Variants in SUPT7L observed in about 807,000 individuals in gnomAD.
SUPT7L encodes the protein STAGA complex 65 subunit gamma.
SUPT7L carries 15 observed loss-of-function variants against 35.7 expected under a neutral mutation model. That is an observed-to-expected ratio of 0.42 (90% CI 0.28 to 0.65). The LOEUF (loss-of-function observed/expected upper bound fraction) is 0.65. SUPT7L is among the 30% of genes least tolerant of loss of function. The probability of loss-of-function intolerance (pLI) is 0.23; values close to 1 mark genes in which losing one functional copy is unlikely to be tolerated. For missense variants in SUPT7L, 434 were observed against 522.2 expected, an observed-to-expected ratio of 0.83 and a Z score of 1.65; for synonymous variants, 168 against 186.2, an observed-to-expected ratio of 0.90 and a Z score of 0.79.
intron 2 of SUPT7L, 28 bp from the exon 3 acceptor site, chr2:27,661,416 A>G: frequency 6.2e-7 from 1 of 1,612,412 alleles, no homozygotes; most frequent in Non-Finnish European, 8.5e-7. Flanking sequence ...AGAAGAGAAG[A>G]GGTCTCAGGA....
chr2:27,649,259 AC>A (rs1674393589), downstream of SUPT7L, among the ~76,000 whole-genome samples: 1 of 147,490 alleles, frequency 6.8e-6, no homozygotes, highest in African/African-American at 2.5e-5. Flanking sequence ...AAACAAACAA[AC>A]AAACAAACAA....
At chr2:27,654,798 C>T (rs1261159599) in intron 5 of SUPT7L, among the ~76,000 whole-genome samples, 1 of 152,140 alleles carries the variant, frequency 6.6e-6, no homozygotes, top group Non-Finnish European at 1.5e-5. Context: ...GATCTCCTGA[C>T]CTCGTGATTC....
chr2:27,653,681 T>C lies in SUPT7L; in HGVS notation c.1049A>G (p.Glu350Gly). 6.2e-7 allele frequency: 1 copy of C among 1,614,192 alleles called. No homozygotes were observed. Among genetic ancestry groups the C allele is most frequent in the Non-Finnish European group, 8.5e-7 (1 of 1,180,032 alleles). The change falls in exon 6 of 6, where the codon GAA becomes GGA. Residue 350 changes from glutamate to glycine, a missense_variant. Coordinates refer to ENST00000337768, the MANE Select transcript of SUPT7L (RefSeq NM_014860.3). ...AHVKMEPQES[E>G]EGNVSGHGVL... The stretch of plus-strand genomic sequence containing the variant: ...ACCATGCCCAGAGACATTGCCTTCT[T>C]CACTTTCTTGAGGCTCCATTTTCAC...
chr2:27,653,636 A>G lies in SUPT7L; in HGVS notation c.1094T>C (p.Phe365Ser). ...SGHGVLGSDV[F>S]EEPMSGMSEA... ...ACTCATGCCTGACATAGGCTCCTCG[A>G]AGACATCACTGCCCAGCACACCATG... The change falls in exon 6 of 6, where the codon TTC becomes TCC. Residue 365 changes from phenylalanine to serine, a missense_variant. Around this residue, in one of 3 missense-constraint regions of SUPT7L, gnomAD observed 159 missense variants for 217.1 expected, o/e 0.73. Transcript: ENST00000337768. 1 of 1,614,192 alleles carries G rather than the reference A, an allele frequency of 6.2e-7. No individual in the cohort carries two copies. Among genetic ancestry groups the G allele is most frequent in the Non-Finnish European group, 8.5e-7 (1 of 1,180,036 alleles).
At chr2:27,662,527 G>C (rs756013874) in intron 1 of SUPT7L, among the ~76,000 whole-genome samples, 2 of 152,164 alleles carry the variant, frequency 1.3e-5, no homozygotes, top group Non-Finnish European at 2.9e-5. Context: ...ATCCCTGGCA[G>C]ACTCATATTC....
At chr2:27,650,587 C>T (rs1674481904), downstream of SUPT7L, 1 of 155,288 alleles carries the variant, frequency 6.4e-6, no homozygotes, top group Admixed American at 6.4e-5. Context: ...GATGTATAGC[C>T]TCTACTCCCC....
At chr2:27,650,131 T>G, downstream of SUPT7L, 1 of 1,601,394 alleles carries the variant, frequency 6.2e-7, no homozygotes, top group Non-Finnish European at 8.6e-7. Context: ...AGGAAAGCCA[T>G]GAAGAGCCAG....
chr2:27,650,046 T>A (rs990089229), downstream of SUPT7L: 1 of 848,252 alleles, frequency 1.2e-6, no homozygotes, highest in Non-Finnish European at 2.0e-6. Flanking sequence ...TTCTGATGGA[T>A]GGGTGACGGG....
At position 27,653,441 on chromosome 2, in the gene SUPT7L, G is replaced by T; in HGVS notation, c.*44C>A. 6.3e-7 allele frequency: 1 copy of T among 1,575,528 alleles called. No individual in the cohort carries two copies. The highest frequency in any genetic ancestry group is 8.6e-7 in the Non-Finnish European group (1 of 1,162,120). ...AGATTCTAATACAAAAACCTTTTCT[G>T]TTGGGTCTAGTAGGTCTGGACAAAA... On this transcript the variant is annotated 3_prime_UTR_variant, in exon 6 of 6. Coordinates refer to ENST00000337768, the MANE Select transcript of SUPT7L (RefSeq NM_014860.3).
At position 27,657,412 on chromosome 2, in the gene SUPT7L, C is replaced by T. The variant is rs773859319; in HGVS notation, c.677G>A (p.Gly226Asp). 6.2e-7 allele frequency: 1 copy of T among 1,614,286 alleles called. No homozygotes were observed. Among genetic ancestry groups the T allele is most frequent in the South Asian group, 1.1e-5 (1 of 91,086 alleles). Residue 226 changes from glycine (G) to aspartate (D), a missense_variant, in exon 4 of 6, where the codon GGC becomes GAC. Physicochemically the swap from Gly to Asp is moderately conservative, Grantham distance 94 (BLOSUM62 -1). Transcript: ENST00000337768. The surrounding 1 kb of genome is among the most constrained non-coding windows in gnomAD (Gnocchi z 5.2). ...MEQVFHEVGI[G>D]SVLSLQKFWQ... ...GAACTTCTGGAGGGAGAGCACACTG[C>T]CAATACCCACTTCATGGAATACCTG...
rs1675147909 is a variant in SUPT7L at position 27,662,251 on chromosome 2, G to A, written c.-59C>T. ...TATCAAATGCCAGGCATTCTGTGTCGGTCAAAGACTGATAATGTGAGATCC... is the reference window on the plus strand; with the variant it reads ...TATCAAATGCCAGGCATTCTGTGTCAGTCAAAGACTGATAATGTGAGATCC... On this transcript the variant is annotated 5_prime_UTR_variant, in exon 2 of 6. Transcript: ENST00000337768. 16 of 1,565,920 alleles carry A rather than the reference G, an allele frequency of 1.0e-5. No homozygotes were observed. Among genetic ancestry groups the A allele is most frequent in the South Asian group, 7.8e-5 (7 of 89,990 alleles).
chr2:27,662,349 G>T, intron 1 of SUPT7L, 68 bp from the exon 2 acceptor site: 3 of 788,376 alleles, frequency 3.8e-6, no homozygotes, highest in Non-Finnish European at 6.2e-6. Context: ...TGTTCTAGAG[G>T]TATATGGACC....
downstream of SUPT7L, among the ~76,000 whole-genome samples, chr2:27,649,933 T>A (rs539575208): frequency 6.6e-6 from 1 of 152,350 alleles, no homozygotes; most frequent in South Asian, 2.1e-4. Flanking sequence ...TTTCTACTTA[T>A]AAAGAAACTA....
rs3792250 is a variant in SUPT7L at position 27,658,963 on chromosome 2, C to G, written c.420-1294G>C. Among the ~76,000 whole-genome samples the G allele has an allele frequency of 8.3e-4, 126 of 152,134 alleles. No homozygotes were observed. The East Asian group carries it at 0.018, about 21-fold the overall frequency. ...TTCCTAAATATGTATAAAATAAAACCAGGTACAAACTTTTGATGGTCATGG... is the reference window on the plus strand; with the variant it reads ...TTCCTAAATATGTATAAAATAAAACGAGGTACAAACTTTTGATGGTCATGG... On this transcript the variant is annotated intron_variant, in intron 3 of 5. Transcript: ENST00000337768.
downstream of SUPT7L, chr2:27,650,301 T>C (rs1406277971): frequency 1.6e-6 from 1 of 639,450 alleles, no homozygotes; most frequent in East Asian, 2.8e-5. Context: ...CCATAAGGGA[T>C]AATTTTCCTC....
Position 27,657,504 on chromosome 2 carries a change from C to T in SUPT7L, c.585G>A (p.Lys195=). Residue 195 remains lysine, a synonymous_variant, in exon 4 of 6, where the codon AAG becomes AAA. Transcript: ENST00000337768. This position sits in a 1 kb window ranked among gnomAD's most constrained non-coding sequence, Gnocchi z 5.2. ...CCCGGTCCACAGCAAAACGCAGCAA[C>T]TTGGTAAACTTAAGGCAATACTCAT... ...VAHEYCLKFT[K]LLRFAVDREA... is the part of the protein sequence containing the mutation. The T allele has an allele frequency of 6.2e-7, 1 of 1,614,252 alleles. No individual in the cohort carries two copies. Among genetic ancestry groups the T allele is most frequent in the Non-Finnish European group, 8.5e-7 (1 of 1,180,042 alleles).
In SUPT7L at chr2:27,653,640, C is replaced by T; in HGVS notation, c.1090G>A (p.Val364Ile). ...ATGCCTGACATAGGCTCCTCGAAGA[C>T]ATCACTGCCCAGCACACCATGCCCA... is the stretch of plus-strand genomic sequence containing the variant. ...VSGHGVLGSD[V>I]FEEPMSGMSE... The change falls in exon 6 of 6, where the codon GTC becomes ATC. Residue 364 changes from valine (V) to isoleucine (I), a missense_variant. By Grantham distance (29) the Val-to-Ile change is conservative (BLOSUM62 3). Transcript: ENST00000337768. 2 of 1,614,236 alleles carry T rather than the reference C, an allele frequency of 1.2e-6. No individual in the cohort carries two copies. The highest frequency in any genetic ancestry group is 2.2e-5 in the East Asian group (1 of 44,876).
chr2:27,663,578 G>A lies in SUPT7L; in HGVS notation c.-339C>T, dbSNP rs531100939. 841 of 612,924 alleles carry A rather than the reference G, an allele frequency of 1.4e-3. 2 individuals carry two copies. Among genetic ancestry groups the A allele is most frequent in the Non-Finnish European group, 2.1e-3 (742 of 351,480 alleles). 38.0% of individuals were successfully genotyped at this position (612,924 alleles called of 1,614,324 possible). ...TCGAGAGGCCTGAGGCAAGGATCGC[G>A]TCAGACCCCGAAAGCTGGTTTGTTG... On this transcript the variant is annotated 5_prime_UTR_variant, in exon 1 of 6. In the 5' UTR this introduces an upstream ATG that the reference lacks. Coordinates refer to ENST00000337768, the MANE Select transcript of SUPT7L (RefSeq NM_014860.3).
At chr2:27,648,034 C>T (rs1674325378), downstream of SUPT7L, 1 of 728,954 alleles carries the variant, frequency 1.4e-6, no homozygotes, top group Non-Finnish European at 2.5e-6. Context: ...AGCGTGTAGC[C>T]AGTAATAGTG....
Sources: gnomAD v4.1 joint callset for allele counts (sites outside exome capture counted in the v4.1 genomes callset) on GRCh38, gnomAD v4.1.1 for gene constraint, gnomAD v4.1.1 regional missense constraint, Gnocchi (gnomAD v3.1) non-coding constraint, MANE v1.5 for transcripts, NCBI Gene and HGNC (gene_info 2026-07-23, HGNC 2026-07-21) for gene names.